The following IGSF10 variants were observed in gnomAD, a reference collection of about 807,000 sequenced individuals.
The protein encoded by IGSF10 is immunoglobulin superfamily member 10.
In IGSF10, 126 loss-of-function variants were observed where a neutral mutation model predicts 128.2. The ratio of observed to expected loss-of-function variants is 0.98; its 90% CI spans 0.85 to 1.14. The LOEUF is 1.14. Ranked by LOEUF, IGSF10 falls within the 50% of genes most tolerant of loss-of-function variation. The probability of loss-of-function intolerance (pLI) is 0.00; values close to 1 mark genes in which losing one functional copy is unlikely to be tolerated. For synonymous variants in IGSF10, 1,185 were observed against 1,146.2 expected, an observed-to-expected ratio of 1.03 and a Z score of -0.68; for missense variants, 3,295 against 3,149.8, an observed-to-expected ratio of 1.05 and a Z score of -1.10.
the IGSF10 span, among the ~76,000 whole-genome samples, chr3:151,507,648 G>GA: frequency 6.6e-6 from 1 of 152,062 alleles, no homozygotes; most frequent in East Asian, 1.9e-4. Context: ...AGCAAAGGGA[G>GA]AAAGCCTTTT....
At chr3:151,490,671 T>C in the IGSF10 span, among the ~76,000 whole-genome samples, 3 of 152,290 alleles carry the variant, frequency 2.0e-5, no homozygotes, top group Middle Eastern at 3.4e-3. Context: ...ACATAATATC[T>C]GATATTATTT....
chr3:151,569,884 TC>T, the IGSF10 span, among the ~76,000 whole-genome samples: 2 of 135,908 alleles, frequency 1.5e-5, no homozygotes, highest in Admixed American at 7.5e-5. Context: ...CCCTCCCCCA[TC>T]CCCCCACCCC....
the IGSF10 span, among the ~76,000 whole-genome samples, chr3:151,600,334 G>A: frequency 6.6e-6 from 1 of 152,122 alleles, no homozygotes; most frequent in Non-Finnish European, 1.5e-5. Flanking sequence ...TGGTCTCCTA[G>A]TCCTGCTTAC....
the IGSF10 span, among the ~76,000 whole-genome samples, chr3:151,505,179 A>G: frequency 6.6e-6 from 1 of 152,196 alleles, no homozygotes; most frequent in Admixed American, 6.5e-5. Flanking sequence ...TTATAAAGAA[A>G]AGAGGTTTAA....
the IGSF10 span, among the ~76,000 whole-genome samples, chr3:151,592,347 G>A: frequency 6.6e-6 from 1 of 152,082 alleles, no homozygotes; most frequent in African/African-American, 2.4e-5. Flanking sequence ...TTTCATGGAT[G>A]TTGGCAAATT....
chr3:151,445,170 G>A lies in IGSF10; in HGVS notation c.4811C>T (p.Thr1604Ile). ...MLATTGLSEATTLVSDWDGQK... is the reference protein window; with the variant it reads ...MLATTGLSEAITLVSDWDGQK... ...TCCATCCCAATCTGAAACAAGAGTG[G>A]TGGCCTCGGACAGGCCTGTAGTAGC... is the stretch of plus-strand genomic sequence containing the variant. Residue 1604 changes from threonine (T) to isoleucine (I), a missense_variant, in exon 6 of 8, where the codon ACC becomes ATC. By Grantham distance (89) the Thr-to-Ile change is moderately conservative (BLOSUM62 -1). Coordinates refer to ENST00000282466, the MANE Select transcript of IGSF10 (RefSeq NM_178822.5). 1 of 1,614,266 alleles carries A rather than the reference G, an allele frequency of 6.2e-7. No homozygotes were observed. Among genetic ancestry groups the A allele is most frequent in the Non-Finnish European group, 8.5e-7 (1 of 1,180,052 alleles).
At chr3:151,535,426 A>G in the IGSF10 span, among the ~76,000 whole-genome samples, 1 of 152,200 alleles carries the variant, frequency 6.6e-6, no homozygotes, top group African/African-American at 2.4e-5. Flanking sequence ...ATGGACATGA[A>G]GATGGCAAAA....
Position 151,436,667 on chromosome 3 carries a change from T to C in IGSF10, c.*22A>G, listed in dbSNP as rs943657223. The C allele has an allele frequency of 6.6e-7, 1 of 1,511,896 alleles. No individual in the cohort carries two copies. The highest frequency in any genetic ancestry group is 1.4e-5 in the African/African-American group (1 of 71,984). The allele number at this position is 1,511,896 out of a possible 1,614,324, so 93.7% of individuals were successfully genotyped here. ...CCAAAAAATAAATTCTGCCCAGATG[T>C]TGTTGACTTTATTATTTCATGTCAG... On this transcript the variant is annotated 3_prime_UTR_variant, in exon 8 of 8. Coordinates refer to ENST00000282466, the MANE Select transcript of IGSF10 (RefSeq NM_178822.5).
the IGSF10 span, among the ~76,000 whole-genome samples, chr3:151,616,784 G>A: frequency 2.0e-5 from 3 of 152,102 alleles, no homozygotes; most frequent in Admixed American, 6.5e-5. Flanking sequence ...TACGAAATGC[G>A]TCTTATTCTG....
chr3:151,436,751 T>A lies in IGSF10; in HGVS notation c.7810A>T (p.Lys2604Ter), dbSNP rs770497448. 1.9e-6 allele frequency: 3 copies of A among 1,614,172 alleles called. No homozygotes were observed. The highest frequency in any genetic ancestry group is 3.3e-4 in the Middle Eastern group (2 of 6,060). ...CCAAGTGGGTTCTTTGCTGTGCATT[T>A]GTATATCCCAGAATCGGAGGTTTGG... ...NPQTSDSGIY[K>*]CTAKNPLGSD... Residue 2604 changes from lysine to a stop codon, truncating the protein, a stop_gained, in exon 8 of 8, where the codon AAA (lysine) becomes TAA (stop). Transcript: ENST00000282466. LOFTEE classifies it low-confidence loss of function (END_TRUNC).
chr3:151,547,939 A>T, the IGSF10 span, among the ~76,000 whole-genome samples: 6 of 152,262 alleles, frequency 3.9e-5, no homozygotes, highest in African/African-American at 4.8e-5. Flanking sequence ...CTAGTTTTAT[A>T]TGTTTGTGGT....
downstream of IGSF10, chr3:151,434,130 A>C (rs1719829258): frequency 6.6e-6 from 1 of 152,264 alleles, no homozygotes; most frequent in Non-Finnish European, 1.5e-5. Flanking sequence ...GTTCTCTGTT[A>C]TTTCATTTTC....
chr3:151,578,716 AACAAATACT>A, the IGSF10 span, among the ~76,000 whole-genome samples: 21 of 152,202 alleles, frequency 1.4e-4, no homozygotes, highest in Non-Finnish European at 2.4e-4. Context: ...GGGGCAGGAC[AACAAATACT>A]GTCTCAGATG....
At chr3:151,496,554 T>C in the IGSF10 span, among the ~76,000 whole-genome samples, 207 of 16,976 alleles carry the variant, frequency 0.012, 10 homozygotes, top group African/African-American at 0.071. Flanking sequence ...TAGTATTCCA[T>C]GGTTTCCTTA....
At chr3:151,502,265 TCAA>T in the IGSF10 span, among the ~76,000 whole-genome samples, 1 of 152,030 alleles carries the variant, frequency 6.6e-6, no homozygotes, top group Non-Finnish European at 1.5e-5. Flanking sequence ...TTTCATAGTA[TCAA>T]CAACAAGTTC....
chr3:151,561,843 C>T, the IGSF10 span, among the ~76,000 whole-genome samples: 1 of 152,084 alleles, frequency 6.6e-6, no homozygotes. Flanking sequence ...ATCTTTTGTG[C>T]TGTTTAAATA....
At chr3:151,559,402 G>T in the IGSF10 span, among the ~76,000 whole-genome samples, 5 of 152,264 alleles carry the variant, frequency 3.3e-5, no homozygotes, top group African/African-American at 1.2e-4. Flanking sequence ...TAAGAATCTG[G>T]AGTACACACG....
At chr3:151,467,712 G>A in the IGSF10 span, among the ~76,000 whole-genome samples, 2 of 151,628 alleles carry the variant, frequency 1.3e-5, no homozygotes, top group African/African-American at 4.8e-5. Context: ...GTGAAACCCC[G>A]TCTCTACTAA....
the IGSF10 span, among the ~76,000 whole-genome samples, chr3:151,541,699 T>C: frequency 6.6e-6 from 1 of 152,216 alleles, no homozygotes; most frequent in South Asian, 2.1e-4. Flanking sequence ...CCTCATGTCT[T>C]ATGAAATTCA....
Sources: allele counts gnomAD v4.1 joint callset (sites outside exome capture counted in the v4.1 genomes callset), GRCh38; gene constraint gnomAD v4.1.1; transcripts MANE v1.5; gene names NCBI Gene and HGNC (gene_info 2026-07-23, HGNC 2026-07-21).